Variants in EPHA6 observed in about 807,000 individuals in gnomAD.
The protein encoded by EPHA6 is ephrin type-A receptor 6.
A neutral mutation model predicts 112.0 loss-of-function variants in EPHA6; 50 were observed. The ratio of observed to expected loss-of-function variants is 0.45; its 90% CI spans 0.36 to 0.56. The LOEUF is 0.56. Among genes scored for constraint, EPHA6 ranks in the 20% least tolerant of loss-of-function variants. The pLI is 0.00. For missense variants in EPHA6, 1,280 were observed against 1,417.4 expected (o/e 0.90, Z 1.56); for synonymous variants, 529 against 490.7 (o/e 1.08, Z -1.03).
At chr3:96,950,911 A>G (rs1039236314) in intron 2 of EPHA6, among the ~76,000 whole-genome samples, 14 of 152,088 alleles carry the variant, frequency 9.2e-5, no homozygotes, top group African/African-American at 3.4e-4. Flanking sequence ...GTGATGGCTA[A>G]TCATAATTTT....
At chr3:97,099,363 T>C (rs1196691271) in intron 3 of EPHA6, among the ~76,000 whole-genome samples, 1 of 151,938 alleles carries the variant, frequency 6.6e-6, no homozygotes, top group African/African-American at 2.4e-5. Flanking sequence ...AGAACTGATT[T>C]TGTGGGTCAG....
chr3:97,038,738 T>A (rs1462285149), intron 3 of EPHA6, among the ~76,000 whole-genome samples: 1 of 152,014 alleles, frequency 6.6e-6, no homozygotes, highest in Non-Finnish European at 1.5e-5. Flanking sequence ...GGGAGCCCAG[T>A]GGGGAAGCTG....
chr3:97,325,446 T>C lies in EPHA6; in HGVS notation c.1607-79704T>C, dbSNP rs183208912. 1.4e-3 allele frequency among the ~76,000 whole-genome samples: 217 copies of C among 152,258 alleles called. 1 individual carries two copies. The highest frequency in any genetic ancestry group is 1.8e-3 in the Non-Finnish European group (125 of 68,026). ...TATTTTTATAAGGACAGCAGTGACA[T>C]TGGATTAGGGCTCACTCTTATGGCC... On this transcript the variant is annotated intron_variant, in intron 5 of 17. Coordinates refer to ENST00000389672, the MANE Select transcript of EPHA6 (RefSeq NM_001080448.3).
intron 5 of EPHA6, among the ~76,000 whole-genome samples, chr3:97,279,424 A>C (rs1300949387): frequency 6.6e-6 from 1 of 152,126 alleles, no homozygotes; most frequent in Non-Finnish European, 1.5e-5. Context: ...ACTACATGAA[A>C]ATTTTAAAAT....
chr3:96,952,125 T>A (rs142477463), intron 2 of EPHA6, among the ~76,000 whole-genome samples: 261 of 152,266 alleles, frequency 1.7e-3, no homozygotes, highest in African/African-American at 5.6e-3. Flanking sequence ...GAAGAGACCA[T>A]CATCATTCAG....
intron 10 of EPHA6, among the ~76,000 whole-genome samples, chr3:97,530,597 A>C: frequency 6.6e-6 from 1 of 151,782 alleles, no homozygotes; most frequent in East Asian, 1.9e-4. Flanking sequence ...AGAATCACTA[A>C]GAAAAAAAAA....
intron 3 of EPHA6, among the ~76,000 whole-genome samples, chr3:97,037,672 A>T (rs778963001): frequency 6.6e-6 from 1 of 151,980 alleles, no homozygotes; most frequent in Non-Finnish European, 1.5e-5. Context: ...AAAAGAGGAG[A>T]GCGGATCATA....
rs2036027337 is a variant in EPHA6, at chr3:97,756,415, C to T, written c.*7714C>T. On this transcript the variant is annotated 3_prime_UTR_variant, in exon 18 of 18. Transcript: ENST00000389672. Reference sequence around the variant, plus strand: ...TATCAAGAGCTATTACTGCAATAACCTCAAAGTATCTTTAAGACAATGCTG... The same window carrying T: ...TATCAAGAGCTATTACTGCAATAACTTCAAAGTATCTTTAAGACAATGCTG... 6.6e-6 allele frequency among the ~76,000 whole-genome samples: 1 copy of T among 151,950 alleles called. No homozygotes were observed. Among genetic ancestry groups the T allele is most frequent in the East Asian group, 1.9e-4 (1 of 5,178 alleles).
At chr3:97,628,668 T>A (rs764586052) in intron 13 of EPHA6, among the ~76,000 whole-genome samples, 25 of 152,128 alleles carry the variant, frequency 1.6e-4, no homozygotes, top group Middle Eastern at 3.4e-3. Flanking sequence ...CTTGAGCAAA[T>A]GTGAAGCAAA....
chr3:97,742,209 C>A (rs1399278117), intron 16 of EPHA6, among the ~76,000 whole-genome samples: 1 of 152,078 alleles, frequency 6.6e-6, no homozygotes, highest in Non-Finnish European at 1.5e-5. Context: ...CCAGATTCTG[C>A]CTTAGCATCC....
At chr3:97,091,413 G>A (rs981792469) in intron 3 of EPHA6, among the ~76,000 whole-genome samples, 2 of 152,062 alleles carry the variant, frequency 1.3e-5, no homozygotes, top group African/African-American at 2.4e-5. Flanking sequence ...ATTACATTCC[G>A]AACAAATGTT....
intron 5 of EPHA6, among the ~76,000 whole-genome samples, chr3:97,359,933 G>C (rs752955241): frequency 6.6e-6 from 1 of 151,820 alleles, no homozygotes; most frequent in African/African-American, 2.4e-5. Flanking sequence ...TCAATCTTTT[G>C]CTTGCCTTTC....
intron 3 of EPHA6, among the ~76,000 whole-genome samples, chr3:97,157,580 C>T (rs2076317255): frequency 1.3e-5 from 2 of 151,914 alleles, no homozygotes; most frequent in South Asian, 2.1e-4. Flanking sequence ...CATGTAATTA[C>T]GGAGGCTGAG....
At chr3:97,384,475 AT>A (rs2085941266) in intron 5 of EPHA6, among the ~76,000 whole-genome samples, 1 of 152,174 alleles carries the variant, frequency 6.6e-6, no homozygotes, top group Non-Finnish European at 1.5e-5. Flanking sequence ...TCATTCACTC[AT>A]TTGTAGCTTT....
intron 14 of EPHA6, among the ~76,000 whole-genome samples, chr3:97,650,630 T>G (rs937037163): frequency 8.0e-4 from 122 of 152,054 alleles, no homozygotes; most frequent in African/African-American, 2.6e-3. Context: ...CTATATTTTA[T>G]TTGTACAAAT....
At chr3:97,684,446 A>G (rs1003287963) in intron 14 of EPHA6, among the ~76,000 whole-genome samples, 1 of 152,130 alleles carries the variant, frequency 6.6e-6, no homozygotes, top group African/African-American at 2.4e-5. Context: ...TGATTGACTT[A>G]CCCTCCACCA....
At chr3:97,609,036 C>A (rs1560186759) in intron 12 of EPHA6, among the ~76,000 whole-genome samples, 1 of 151,218 alleles carries the variant, frequency 6.6e-6, no homozygotes, top group Non-Finnish European at 1.5e-5. Context: ...CTTGCAAGCT[C>A]TTTTTATTCT....
intron 3 of EPHA6, among the ~76,000 whole-genome samples, chr3:97,075,814 TA>T (rs1490496605): frequency 6.6e-6 from 1 of 152,050 alleles, no homozygotes; most frequent in African/African-American, 2.4e-5. Context: ...TTGTAGTGTT[TA>T]AAAAATTTTA....
In EPHA6 at chr3:96,987,542, G is replaced by A. The variant is rs1376632901; in HGVS notation, c.663G>A (p.Leu221=). 2 of 1,613,758 alleles carry A rather than the reference G, an allele frequency of 1.2e-6. No individual in the cohort carries two copies. The highest frequency in any genetic ancestry group is 1.7e-5 in the Admixed American group (1 of 59,982). ...VLGTCKETFN[L]FYMESDESHG... ...GGACTTGCAAAGAAACATTTAATCTGTTTTATATGGAATCAGATGAGTCCC... is the reference window on the plus strand; with the variant it reads ...GGACTTGCAAAGAAACATTTAATCTATTTTATATGGAATCAGATGAGTCCC... The change falls in exon 3 of 18, where the codon CTG becomes CTA. Residue 221 remains leucine (L), a synonymous_variant. Transcript: ENST00000389672.
Sources: allele counts gnomAD v4.1 joint callset (sites outside exome capture counted in the v4.1 genomes callset), GRCh38; gene constraint gnomAD v4.1.1; transcripts MANE v1.5; gene names NCBI Gene and HGNC (gene_info 2026-07-23, HGNC 2026-07-21).